Variants in PLB1 observed in about 807,000 individuals in gnomAD.
PLB1 encodes phospholipase B1, membrane-associated.
In PLB1, 242 loss-of-function variants were observed where a neutral mutation model predicts 227.4. The observed-to-expected ratio is 1.06, with a 90% confidence interval of 0.96 to 1.18. PLB1 has a LOEUF of 1.18. PLB1 is among the 50% of genes most tolerant of loss of function. The pLI, the probability that PLB1 is intolerant of heterozygous loss-of-function variation, is 0.00. For missense variants in PLB1, 1,858 were observed against 1,816.3 expected (o/e 1.02, Z -0.42); for synonymous variants, 757 against 682.2 (o/e 1.11, Z -1.71).
chr2:28,636,621 T>G (rs1689392962), intron 56 of PLB1, among the ~76,000 whole-genome samples: 1 of 152,096 alleles, frequency 6.6e-6, no homozygotes, highest in Non-Finnish European at 1.5e-5. Flanking sequence ...CTGTGGCACA[T>G]TCATACTAAG....
rs543646447 is a variant in PLB1, at chr2:28,507,931, G to T, written c.56-8877G>T. Among the ~76,000 whole-genome samples the T allele has an allele frequency of 6.6e-5, 10 of 152,264 alleles. No homozygotes were observed. The South Asian group carries it at 2.1e-3, about 32-fold the overall frequency. On this transcript the variant is annotated intron_variant, in intron 1 of 57. Transcript: ENST00000327757. ...AATGTTTTTTGTAATCAGACTAGAGGTTGTGTCTACCCAAAGGTTGTGACA... is the reference window on the plus strand; with the variant it reads ...AATGTTTTTTGTAATCAGACTAGAGTTTGTGTCTACCCAAAGGTTGTGACA...
At chr2:28,596,724 T>C (rs1362218755) in intron 33 of PLB1, among the ~76,000 whole-genome samples, 2 of 152,226 alleles carry the variant, frequency 1.3e-5, no homozygotes, top group African/African-American at 4.8e-5. Context: ...CAAGTTAGGC[T>C]CAGACATCTA....
intron 36 of PLB1, 80 bp from the exon 37 acceptor site, chr2:28,601,172 G>A (rs1288778148): frequency 5.9e-6 from 7 of 1,191,666 alleles, no homozygotes; most frequent in African/African-American, 3.0e-5. Context: ...ATGTTATAGA[G>A]GGTTGAATGG....
intron 49 of PLB1, 126 bp downstream of exon 49, chr2:28,621,104 TTCTA>T (rs953587145): frequency 2.7e-6 from 2 of 727,880 alleles, no homozygotes; most frequent in African/African-American, 3.6e-5. Context: ...GTGCAGGACT[TTCTA>T]TGTGAATTAT....
chr2:28,560,050 T>C (rs748266068), intron 17 of PLB1, among the ~76,000 whole-genome samples: 2 of 152,126 alleles, frequency 1.3e-5, no homozygotes, highest in Non-Finnish European at 2.9e-5. Flanking sequence ...CTACAGGCTT[T>C]ATAAACTGTC....
At chr2:28,569,165 G>A (rs1174567820) in intron 20 of PLB1, among the ~76,000 whole-genome samples, 2 of 152,146 alleles carry the variant, frequency 1.3e-5, no homozygotes, top group African/African-American at 4.8e-5. Context: ...GCTGCTACCC[G>A]GCCAGTTTCT....
intron 2 of PLB1, among the ~76,000 whole-genome samples, chr2:28,517,967 C>T (rs1400117338): frequency 2.0e-5 from 3 of 151,678 alleles, no homozygotes; most frequent in South Asian, 2.1e-4. Context: ...CTTCGCCTCC[C>T]GGTTCAAGTG....
chr2:28,602,723 C>A (rs191216144), intron 38 of PLB1, 98 bp from the exon 39 acceptor site: 12 of 1,075,170 alleles, frequency 1.1e-5, no homozygotes, highest in East Asian at 4.7e-5. Context: ...CCAGAAAGAC[C>A]AAGCTGGATT....
chr2:28,591,611 A>G (rs1681951051), intron 30 of PLB1, 89 bp from the exon 31 acceptor site: 2 of 1,378,046 alleles, frequency 1.5e-6, no homozygotes, highest in South Asian at 2.4e-5. Flanking sequence ...AGGAATCTGT[A>G]TTTTTCAAAG....
chr2:28,503,269 C>T (rs957467305), intron 1 of PLB1, among the ~76,000 whole-genome samples: 1 of 151,972 alleles, frequency 6.6e-6, no homozygotes, highest in Non-Finnish European at 1.5e-5. Context: ...GCTCTCTCTC[C>T]AGGCTCCCAA....
intron 4 of PLB1, among the ~76,000 whole-genome samples, chr2:28,523,849 G>A (rs1669872949): frequency 6.6e-6 from 1 of 152,142 alleles, no homozygotes; most frequent in Non-Finnish European, 1.5e-5. Flanking sequence ...AATGACTCTG[G>A]GGGGTGCCCC....
intron 1 of PLB1, among the ~76,000 whole-genome samples, chr2:28,510,626 T>TC (rs869287530): frequency 0.042 from 39 of 932 alleles, no homozygotes; most frequent in African/African-American, 0.11. Context: ...TTTCTCTCTC[T>TC]TTTTTTTTTT....
At chr2:28,613,454 C>T (rs1259206156) in intron 43 of PLB1, among the ~76,000 whole-genome samples, 1 of 152,122 alleles carries the variant, frequency 6.6e-6, no homozygotes, top group Non-Finnish European at 1.5e-5. Context: ...TAACTCCTCA[C>T]CTGCAACTGG....
chr2:28,617,681 T>C lies in PLB1; in HGVS notation c.3196-46T>C, dbSNP rs199553428. On this transcript the variant is annotated intron_variant, in intron 44 of 57. Coordinates refer to ENST00000327757, the MANE Select transcript of PLB1 (RefSeq NM_153021.5). ...CTTCTTGGGCTGAAGCTTATCTCCC[T>C]GCACAATGAGTGTTGGGCACTGAAT... is the stretch of plus-strand genomic sequence containing the variant. 23 of 1,587,124 alleles carry C rather than the reference T, an allele frequency of 1.4e-5. No individual in the cohort carries two copies. In the African/African-American group the frequency reaches 2.1e-4, roughly 15 times the overall value.
At chr2:28,545,570 C>T (rs894947355) in intron 14 of PLB1, among the ~76,000 whole-genome samples, 3 of 152,168 alleles carry the variant, frequency 2.0e-5, no homozygotes, top group African/African-American at 4.8e-5. Context: ...CACGGTCTTT[C>T]GGGGTGTCCA....
intron 1 of PLB1, among the ~76,000 whole-genome samples, chr2:28,513,873 C>T (rs988616706): frequency 6.6e-6 from 1 of 152,196 alleles, no homozygotes; most frequent in African/African-American, 2.4e-5. Context: ...CCAGCCCCAA[C>T]CCTCTAAACA....
intron 15 of PLB1, among the ~76,000 whole-genome samples, chr2:28,549,755 A>T (rs895782291): frequency 1.1e-4 from 17 of 152,182 alleles, no homozygotes; most frequent in Non-Finnish European, 2.2e-4. Flanking sequence ...TCATCAAAAT[A>T]TATATACTTA....
intron 56 of PLB1, among the ~76,000 whole-genome samples, chr2:28,633,953 A>G (rs942029356): frequency 3.3e-5 from 5 of 152,074 alleles, no homozygotes; most frequent in Admixed American, 2.0e-4. Context: ...TCTGCCAACC[A>G]CCGCTGTGCA....
rs1351605317 is a variant in PLB1 at position 28,632,041 on chromosome 2, C to T, written c.3903C>T (p.Gly1301=). Residue 1301 remains glycine (G), a synonymous_variant, in exon 55 of 58, where the codon GGC becomes GGT. Transcript: ENST00000327757. ...GCTTCTCTCTCTGTCCCCAGCATGGCATCTCCAGTTTCTCCTACTGGCACC... is the reference window on the plus strand; with the variant it reads ...GCTTCTCTCTCTGTCCCCAGCATGGTATCTCCAGTTTCTCCTACTGGCACC... The part of the protein sequence containing the change: ...LKKVNWNLQH[G]ISSFSYWHQY... The T allele has an allele frequency of 6.2e-7, 1 of 1,613,508 alleles. No individual in the cohort carries two copies. Among genetic ancestry groups the T allele is most frequent in the South Asian group, 1.1e-5 (1 of 91,064 alleles).
Sources: gnomAD v4.1 joint callset for allele counts (sites outside exome capture counted in the v4.1 genomes callset) on GRCh38, gnomAD v4.1.1 for gene constraint, MANE v1.5 for transcripts, NCBI Gene and HGNC (gene_info 2026-07-23, HGNC 2026-07-21) for gene names.